PEX19: variants seen among roughly 807,000 people sequenced by gnomAD.
PEX19 encodes 33 kDa housekeeping protein.
PEX19 carries 29 observed loss-of-function variants against 36.3 expected under a neutral mutation model. The ratio of observed to expected loss-of-function variants is 0.80; its 90% CI spans 0.60 to 1.09. PEX19 has a LOEUF of 1.09. Ranked by LOEUF, PEX19 falls within the 50% of genes least tolerant of loss-of-function variation. The pLI, the probability that PEX19 is intolerant of heterozygous loss-of-function variation, is 0.00. For synonymous variants in PEX19, 141 were observed against 135.2 expected (o/e 1.04, Z -0.30); for missense variants, 396 against 368.1 (o/e 1.08, Z -0.62).
chr1:160,283,563 C>A lies in PEX19; in HGVS notation c.147G>T (p.Gly49=), dbSNP rs1373248319. Residue 49 remains glycine (G), a synonymous_variant, in exon 2 of 8, where the codon GGG becomes GGT. Transcript: ENST00000368072. ...TGTCTCCTGGCGATCTCTTCTGGGG[C>A]CCCGAAGCATCAGGGGCCGTGGTGG... ...PSTTTAPDAS[G]PQKRSPGDTA... 6.2e-7 allele frequency: 1 copy of A among 1,613,856 alleles called. No individual in the cohort carries two copies. The highest frequency in any genetic ancestry group is 8.5e-7 in the Non-Finnish European group (1 of 1,179,890).
chr1:160,284,966 G>T (rs1657950119), intron 1 of PEX19, 89 bp downstream of exon 1: 2 of 996,072 alleles, frequency 2.0e-6, no homozygotes, highest in Non-Finnish European at 3.2e-6. Context: ...AGCCTCTCCT[G>T]CCCGTCCCTA....
rs778154365 is a variant in PEX19, at chr1:160,280,174, T to C, written c.667A>G (p.Ser223Gly). 10 of 1,613,886 alleles carry C rather than the reference T, an allele frequency of 6.2e-6. No homozygotes were observed. The East Asian group carries it at 2.2e-4, about 36-fold the overall frequency. The part of the protein sequence containing the change: ...EQFEKYQEQH[S>G]VMCKICEQFE... ...TGCTCACATATTTTGCACATGACGC[T>C]GTGCTGCTCCTGATATTTTTCAAAC... Residue 223 changes from serine (S) to glycine (G), a missense_variant, in exon 6 of 8, where the codon AGC becomes GGC. Physicochemically the swap from Ser to Gly is moderately conservative, Grantham distance 56. Transcript: ENST00000368072.
At chr1:160,283,820 G>T (rs1657887984) in intron 1 of PEX19, among the ~76,000 whole-genome samples, 181 bp from the exon 2 acceptor site, 1 of 152,096 alleles carries the variant, frequency 6.6e-6, no homozygotes, top group Admixed American at 6.5e-5. Flanking sequence ...CTTCCTTCTG[G>T]ATTACCTAAT....
intron 3 of PEX19, chr1:160,282,732 T>C (rs1657826437): frequency 4.4e-6 from 3 of 681,280 alleles, no homozygotes; most frequent in East Asian, 2.7e-5. Flanking sequence ...ACCTTTCAAA[T>C]GGTCAGTTTT....
intron 1 of PEX19, 106 bp from the exon 2 acceptor site, chr1:160,283,745 C>T: frequency 4.4e-6 from 4 of 905,890 alleles, no homozygotes; most frequent in Non-Finnish European, 7.1e-6. Context: ...TTCAAATTGC[C>T]AACTTTCCTC....
Position 160,284,911 on chromosome 1 carries a change from G to T in PEX19, c.70+144C>A, listed in dbSNP as rs553058060. ...GGGCAGGATGACCCAGAGATTTTTG[G>T]GGGGCTCGGGGGTCAGACTCTCCGC... On this transcript the variant is annotated intron_variant, in intron 1 of 7. Transcript: ENST00000368072. 3 of 726,630 alleles carry T rather than the reference G, an allele frequency of 4.1e-6. No homozygotes were observed. In the South Asian group the frequency reaches 4.5e-5, roughly 11 times the overall value. 45.0% of individuals were successfully genotyped at this position (726,630 alleles called of 1,614,324 possible).
At chr1:160,282,377 G>A (rs1317789456) in intron 4 of PEX19, 40 bp downstream of exon 4, 2 of 1,509,184 alleles carry the variant, frequency 1.3e-6, no homozygotes. Flanking sequence ...GAAATGTCTG[G>A]GAGTGGACCC....
In PEX19 at chr1:160,278,332, A is replaced by G; in HGVS notation, c.*1219T>C. On this transcript the variant is annotated 3_prime_UTR_variant, in exon 8 of 8. Coordinates refer to ENST00000368072, the MANE Select transcript of PEX19 (RefSeq NM_002857.4). ...GGAACATGAGGAAAGATGGCCATCC[A>G]GTCTCCTTTGCCAACTGAGGTGCAG... 1 of 689,472 alleles carries G rather than the reference A, an allele frequency of 1.5e-6. No homozygotes were observed. The highest frequency in any genetic ancestry group is 2.6e-6 in the Non-Finnish European group (1 of 378,518). 42.7% of individuals were successfully genotyped at this position (689,472 alleles called of 1,614,324 possible). A position where few individuals can be genotyped will look rare whatever the true frequency, so the allele number is the denominator to read the frequency against.
At chr1:160,280,046 T>A (rs1306070056) in intron 6 of PEX19, 24 bp downstream of exon 6, 2 of 1,608,274 alleles carry the variant, frequency 1.2e-6, no homozygotes, top group Non-Finnish European at 1.7e-6. Flanking sequence ...ACAGCACCAG[T>A]GGGCAGAAGG....
Position 160,277,402 on chromosome 1 carries a change from A to G in PEX19, c.*2149T>C, listed in dbSNP as rs1557851635. 2.2e-6 allele frequency: 1 copy of G among 456,100 alleles called. No homozygotes were observed. The highest frequency in any genetic ancestry group is 2.3e-5 in the Admixed American group (1 of 42,576). The allele number at this position is 456,100 out of a possible 1,614,324, so 28.3% of individuals were successfully genotyped here. ...GAACTCCATACCTGTCATGGGCAAT[A>G]GGAATGCATATTGATAAGTGAAGGA... On this transcript the variant is annotated 3_prime_UTR_variant, in exon 8 of 8. Coordinates refer to ENST00000368072, the MANE Select transcript of PEX19 (RefSeq NM_002857.4).
At position 160,278,431 on chromosome 1, in the gene PEX19, C is replaced by A. The variant is rs1449559762; in HGVS notation, c.*1120G>T. 1.2e-5 allele frequency: 7 copies of A among 607,516 alleles called. No individual in the cohort carries two copies. Among genetic ancestry groups the A allele is most frequent in the Non-Finnish European group, 1.8e-5 (6 of 327,956 alleles). The allele number at this position is 607,516 out of a possible 1,614,324, so 37.6% of individuals were successfully genotyped here. The stretch of plus-strand genomic sequence containing the variant: ...GTGTAGAACTAGTCTCCTAATATAC[C>A]TCACTCTGCAACTTACGGAAGCTGA... On this transcript the variant is annotated 3_prime_UTR_variant, in exon 8 of 8. Coordinates refer to ENST00000368072, the MANE Select transcript of PEX19 (RefSeq NM_002857.4).
intron 7 of PEX19, 42 bp downstream of exon 7, chr1:160,279,759 T>TG (rs759915809): frequency 8.8e-6 from 14 of 1,588,070 alleles, no homozygotes; most frequent in Non-Finnish European, 1.2e-5. Flanking sequence ...TTCTGGAAAT[T>TG]GGGGACTCAA....
chr1:160,280,341 G>T (rs952312421), intron 5 of PEX19, 95 bp from the exon 6 acceptor site: 1 of 1,264,832 alleles, frequency 7.9e-7, no homozygotes, highest in Middle Eastern at 1.9e-4. Context: ...AAGGGAAAGG[G>T]ACGTAGAAAA....
chr1:160,277,248 G>C lies in PEX19; in HGVS notation c.*2303C>G, dbSNP rs1164804009. The C allele has an allele frequency of 2.2e-6, 1 of 455,664 alleles. No individual in the cohort carries two copies. Among genetic ancestry groups the C allele is most frequent in the Non-Finnish European group, 4.4e-6 (1 of 226,744 alleles). 28.2% of individuals were successfully genotyped at this position (455,664 alleles called of 1,614,324 possible). A position where few individuals can be genotyped will look rare whatever the true frequency, so the allele number is the denominator to read the frequency against. On this transcript the variant is annotated 3_prime_UTR_variant, in exon 8 of 8. Transcript: ENST00000368072. Reference sequence around the variant, plus strand: ...TGACATGGTGAATTAGAAATTGAGAGTGTTTAAAAACTTTTTAGCATTTCA... The same window carrying C: ...TGACATGGTGAATTAGAAATTGAGACTGTTTAAAAACTTTTTAGCATTTCA...
At chr1:160,280,645 A>T (rs1421770289) in intron 5 of PEX19, among the ~76,000 whole-genome samples, 1 of 151,968 alleles carries the variant, frequency 6.6e-6, no homozygotes, top group Non-Finnish European at 1.5e-5. Flanking sequence ...AGCCTCCCCA[A>T]GTAGCTGGGT....
Position 160,283,105 on chromosome 1 carries a change from G to A in PEX19, c.185C>T (p.Ala62Val), listed in dbSNP as rs909980866. 6.2e-7 allele frequency: 1 copy of A among 1,613,334 alleles called. No individual in the cohort carries two copies. Among genetic ancestry groups the A allele is most frequent in the Non-Finnish European group, 8.5e-7 (1 of 1,179,984 alleles). ...KRSPGDTAKD[A>V]LFASQEKFFQ... Reference sequence around the variant, plus strand: ...AAACTTCTCTTGGGAAGCGAAGAGGGCATCCTGCGGGGGAAGGATGGCTGA... The same window carrying A: ...AAACTTCTCTTGGGAAGCGAAGAGGACATCCTGCGGGGGAAGGATGGCTGA... Residue 62 changes from alanine (A) to valine (V), a missense_variant, in exon 3 of 8, where the codon GCC (alanine) becomes GTC (valine). Coordinates refer to ENST00000368072, the MANE Select transcript of PEX19 (RefSeq NM_002857.4).
At chr1:160,282,680 C>A in intron 3 of PEX19, 178 bp from the exon 4 acceptor site, 1 of 684,036 alleles carries the variant, frequency 1.5e-6, no homozygotes. Flanking sequence ...ACGGACTCTG[C>A]ATCAGTTTAT....
rs1422199106 is a variant in PEX19 at position 160,278,312 on chromosome 1, A to G, written c.*1239T>C. 1 of 691,832 alleles carries G rather than the reference A, an allele frequency of 1.4e-6. No homozygotes were observed. The highest frequency in any genetic ancestry group is 2.7e-5 in the East Asian group (1 of 36,698). The allele number at this position is 691,832 out of a possible 1,614,324, so 42.9% of individuals were successfully genotyped here. ...TCTACATTGAAATACTCAAGGGAAC[A>G]TGAGGAAAGATGGCCATCCAGTCTC... On this transcript the variant is annotated 3_prime_UTR_variant, in exon 8 of 8. Coordinates refer to ENST00000368072, the MANE Select transcript of PEX19 (RefSeq NM_002857.4).
Position 160,279,421 on chromosome 1 carries a change from T to G in PEX19, c.*130A>C. On this transcript the variant is annotated 3_prime_UTR_variant, in exon 8 of 8. Transcript: ENST00000368072. The stretch of plus-strand genomic sequence containing the variant: ...AAACCTCAGCTGGTATGGCACAATC[T>G]TGAATGGGATGACAGAGGGCAGCGG... 1 of 800,672 alleles carries G rather than the reference T, an allele frequency of 1.2e-6. No homozygotes were observed. Among genetic ancestry groups the G allele is most frequent in the Non-Finnish European group, 2.2e-6 (1 of 452,368 alleles). The allele number at this position is 800,672 out of a possible 1,614,324, so 49.6% of individuals were successfully genotyped here. A position where few individuals can be genotyped will look rare whatever the true frequency, so the allele number is the denominator to read the frequency against.
Sources: gnomAD v4.1 joint callset for allele counts (sites outside exome capture counted in the v4.1 genomes callset) on GRCh38, gnomAD v4.1.1 for gene constraint, MANE v1.5 for transcripts, NCBI Gene and HGNC (gene_info 2026-07-23, HGNC 2026-07-21) for gene names.